Variants in SPATA24 observed in about 807,000 individuals in gnomAD.
The protein encoded by SPATA24 is spermatogenesis-associated protein 24.
A neutral mutation model predicts 28.9 loss-of-function variants in SPATA24; 21 were observed. The observed-to-expected ratio is 0.73, with a 90% CI of 0.52 to 1.05. The LOEUF (loss-of-function observed/expected upper bound fraction) is 1.05. Ranked by LOEUF, SPATA24 falls within the 50% of genes least tolerant of loss-of-function variation. SPATA24 has a pLI of 0.00. For synonymous variants in SPATA24, 76 were observed against 89.9 expected, an observed-to-expected ratio of 0.85 and a Z score of 0.88; for missense variants, 215 against 242.9, an observed-to-expected ratio of 0.88 and a Z score of 0.76.
chr5:139,403,967 G>T lies in SPATA24; in HGVS notation c.94C>A (p.Leu32Ile), dbSNP rs1489326402. The T allele has an allele frequency of 6.4e-7, 1 of 1,551,676 alleles. No individual in the cohort carries two copies. Among genetic ancestry groups the T allele is most frequent in the African/African-American group, 1.4e-5 (1 of 73,056 alleles). ...ACCACGTTCCTCAGCTGGTGGATTA[G>T]TTCCTCCTGAGACTCAATCACGTCC... is the stretch of plus-strand genomic sequence containing the variant. ...LRDVIESQEE[L>I]IHQLRNVMVL... The change falls in exon 1 of 6, where the codon CTA (leucine) becomes ATA (isoleucine). Residue 32 changes from leucine to isoleucine, a missense_variant. Leu to Ile is a conservative substitution (Grantham distance 5). Transcript: ENST00000450845.
At chr5:139,393,791 G>T (rs1454257229), downstream of SPATA24, 2 of 1,551,300 alleles carry the variant, frequency 1.3e-6, no homozygotes, top group Non-Finnish European at 8.7e-7. Context: ...GAGGCTTCAG[G>T]GAACAATGGG....
downstream of SPATA24, chr5:139,396,377 G>A (rs1581398609): frequency 1.0e-6 from 1 of 985,342 alleles, no homozygotes; most frequent in East Asian, 1.1e-4. Context: ...CTCCCGTTTG[G>A]GGGAGGTGTC....
downstream of SPATA24, chr5:139,395,193 G>A: frequency 7.0e-6 from 8 of 1,140,640 alleles, no homozygotes; most frequent in East Asian, 3.3e-5. Context: ...CCTTAAAGCG[G>A]CCGCGTCCAC....
downstream of SPATA24, chr5:139,394,096 G>C: frequency 3.2e-6 from 5 of 1,549,860 alleles, no homozygotes; most frequent in Non-Finnish European, 4.4e-6. Flanking sequence ...CGTCCCGGGC[G>C]CAGGCTTGTC....
downstream of SPATA24, chr5:139,394,306 A>G: frequency 6.6e-7 from 1 of 1,507,084 alleles, no homozygotes; most frequent in Non-Finnish European, 8.9e-7. Context: ...CTCGGGGCTC[A>G]GTTTTCTGGC....
chr5:139,394,418 C>T, downstream of SPATA24: 2 of 1,394,920 alleles, frequency 1.4e-6, no homozygotes, highest in East Asian at 2.9e-5. Flanking sequence ...GCGCCGGCCG[C>T]CCTTGGGGGA....
intron 4 of SPATA24, among the ~76,000 whole-genome samples, chr5:139,399,452 A>C (rs1366728749): frequency 6.6e-6 from 1 of 152,152 alleles, no homozygotes; most frequent in East Asian, 1.9e-4. Flanking sequence ...AAGAGGAGAC[A>C]GGTGAAGGGA....
chr5:139,402,407 A>T (rs4074031), intron 2 of SPATA24, among the ~76,000 whole-genome samples: 61,787 of 150,042 alleles, frequency 0.41, 15,426 homozygotes, highest in Non-Finnish European at 0.55. Flanking sequence ...GTATATATAT[A>T]TTTTTTTGTA....
chr5:139,401,711 C>G (rs778796625), intron 4 of SPATA24, 44 bp downstream of exon 4: 4 of 1,539,802 alleles, frequency 2.6e-6, no homozygotes, highest in African/African-American at 2.7e-5. Flanking sequence ...TAGGAAAGAG[C>G]CCGTTTATAT....
downstream of SPATA24, chr5:139,392,956 G>A: frequency 6.6e-7 from 1 of 1,508,668 alleles, no homozygotes; most frequent in Non-Finnish European, 8.9e-7. The surrounding 1 kb of genome is among the most constrained non-coding windows in gnomAD (Gnocchi z 5.8). Context: ...GGGCTGTGAG[G>A]CGTCCCGGGC....
At chr5:139,403,790 G>A (rs983272675) in intron 1 of SPATA24, among the ~76,000 whole-genome samples, 154 bp downstream of exon 1, 4 of 151,988 alleles carry the variant, frequency 2.6e-5, no homozygotes, top group African/African-American at 9.7e-5. Flanking sequence ...GCCCCTTTTT[G>A]GCTCCACCCC....
downstream of SPATA24, chr5:139,394,212 C>G (rs1229813931): frequency 1.3e-6 from 2 of 1,548,706 alleles, no homozygotes; most frequent in Non-Finnish European, 1.7e-6. Context: ...TCTCCAGGAC[C>G]ACGTGGGTGC....
downstream of SPATA24, chr5:139,394,792 C>A (rs918862831): frequency 3.9e-6 from 6 of 1,528,352 alleles, no homozygotes; most frequent in Admixed American, 4.1e-5. Flanking sequence ...CTGGGGTGGC[C>A]GTGGGCCGGA....
At chr5:139,392,994 C>A, downstream of SPATA24, 1 of 1,516,626 alleles carries the variant, frequency 6.6e-7, no homozygotes, top group Non-Finnish European at 8.8e-7. The surrounding 1 kb of genome is among the most constrained non-coding windows in gnomAD (Gnocchi z 5.8). Context: ...GTTCAGGAGG[C>A]TCGTAGGGGT....
intron 2 of SPATA24, 45 bp downstream of exon 2, chr5:139,402,578 GATCCT>G: frequency 6.7e-7 from 1 of 1,499,154 alleles, no homozygotes; most frequent in Non-Finnish European, 9.1e-7. Flanking sequence ...TAACCACAGG[GATCCT>G]GGGAAACGGG....
In SPATA24 at chr5:139,396,801, T is replaced by A. The variant is rs1248450595; in HGVS notation, c.617A>T (p.Ter206LeuextTer11). The part of the protein sequence containing the change: ...ARSHQHPREK[*>L] ...GAGAACAGGAAAGCGGCGGCCATTT[T>A]ATTTTTCCCTGGGATGCTGGTGGCT... Residue 206 changes from the stop codon to leucine (L), a stop_lost, in exon 6 of 6, where the codon TAA (stop) becomes TTA (leucine). Coordinates refer to ENST00000450845, the MANE Select transcript of SPATA24 (RefSeq NM_194296.2). 2 of 1,551,652 alleles carry A rather than the reference T, an allele frequency of 1.3e-6. No homozygotes were observed. Among genetic ancestry groups the A allele is most frequent in the Non-Finnish European group, 1.7e-6 (2 of 1,147,004 alleles).
chr5:139,399,336 T>A (rs376169328), intron 4 of SPATA24, among the ~76,000 whole-genome samples: 66 of 142,994 alleles, frequency 4.6e-4, no homozygotes, highest in African/African-American at 1.4e-3. Context: ...AAAAAAAAGG[T>A]TGGACAAGAA....
downstream of SPATA24, chr5:139,393,080 G>A (rs1758627882): frequency 1.6e-5 from 24 of 1,528,050 alleles, no homozygotes; most frequent in Non-Finnish European, 1.8e-5. Flanking sequence ...AGTGCTGGCG[G>A]CTCTTGCGTC....
downstream of SPATA24, chr5:139,394,635 C>T: frequency 2.0e-6 from 3 of 1,534,282 alleles, no homozygotes; most frequent in Non-Finnish European, 2.6e-6. Context: ...CGGCGGGAGA[C>T]GCTGGCCCCG....
Sources: allele counts gnomAD v4.1 joint callset (sites outside exome capture counted in the v4.1 genomes callset), GRCh38; gene constraint gnomAD v4.1.1; non-coding constraint Gnocchi (gnomAD v3.1); transcripts MANE v1.5; gene names NCBI Gene and HGNC (gene_info 2026-07-23, HGNC 2026-07-21).